ALDH1A2: variants seen among roughly 807,000 people sequenced by gnomAD.
ALDH1A2 encodes the protein retinal dehydrogenase 2.
In ALDH1A2, 27 loss-of-function variants were observed where a neutral mutation model predicts 60.3. The ratio of observed to expected loss-of-function variants is 0.45; its 90% CI spans 0.33 to 0.62. ALDH1A2 has a LOEUF of 0.62. Among genes scored for constraint, ALDH1A2 ranks in the 20% least tolerant of loss-of-function variants. ALDH1A2 has a pLI of 0.02. For synonymous variants in ALDH1A2, 289 were observed against 232.4 expected, an observed-to-expected ratio of 1.24 and a Z score of -2.21; for missense variants, 581 against 643.8, an observed-to-expected ratio of 0.90 and a Z score of 1.06.
chr15:58,036,245 A>T (rs1478883599), intron 1 of ALDH1A2, among the ~76,000 whole-genome samples: 1 of 151,652 alleles, frequency 6.6e-6, no homozygotes, highest in African/African-American at 2.4e-5. Flanking sequence ...TCAATATATA[A>T]TCAATACACT....
At chr15:58,027,870 A>G (rs1185391763) in intron 1 of ALDH1A2, among the ~76,000 whole-genome samples, 1 of 152,154 alleles carries the variant, frequency 6.6e-6, no homozygotes, top group Non-Finnish European at 1.5e-5. Flanking sequence ...AAAGAAAGAA[A>G]CAAAGCCTCC....
intron 1 of ALDH1A2, among the ~76,000 whole-genome samples, chr15:58,037,729 A>G (rs4646578): frequency 0.084 from 12,678 of 151,612 alleles, 542 homozygotes; most frequent in Middle Eastern, 0.14. Context: ...GAAGTGTGCA[A>G]TTCCTTGGGT....
intron 1 of ALDH1A2, among the ~76,000 whole-genome samples, chr15:58,039,251 GT>G (rs4646577): frequency 0.04 from 6,006 of 149,552 alleles, 364 homozygotes; most frequent in African/African-American, 0.13. Context: ...TCTCAGATTA[GT>G]TTTTTTTTTC....
chr15:58,003,323 C>T (rs1377457237), intron 4 of ALDH1A2, among the ~76,000 whole-genome samples: 5 of 151,838 alleles, frequency 3.3e-5, no homozygotes, highest in African/African-American at 9.7e-5. Context: ...TCTGATGGAA[C>T]AAGAATACTT....
intron 4 of ALDH1A2, among the ~76,000 whole-genome samples, chr15:58,010,022 A>G (rs1418084923): frequency 6.6e-6 from 1 of 152,124 alleles, no homozygotes; most frequent in Non-Finnish European, 1.5e-5. Context: ...GCACCCAATT[A>G]TAACACTCCT....
chr15:57,988,804 GACTC>G (rs758565187), intron 7 of ALDH1A2, among the ~76,000 whole-genome samples: 14 of 152,168 alleles, frequency 9.2e-5, no homozygotes, highest in Non-Finnish European at 8.8e-5. Flanking sequence ...TGGTTTTATG[GACTC>G]ACTATGTGGC....
chr15:58,009,644 T>C (rs1357001660), intron 4 of ALDH1A2, among the ~76,000 whole-genome samples: 31 of 151,314 alleles, frequency 2.0e-4, no homozygotes, highest in Non-Finnish European at 4.3e-4. Flanking sequence ...CCACTTACTA[T>C]CTCTTTCAGT....
At chr15:58,009,358 T>C (rs35056852) in intron 4 of ALDH1A2, among the ~76,000 whole-genome samples, 9,686 of 152,008 alleles carry the variant, frequency 0.064, 342 homozygotes, top group East Asian at 0.12. Flanking sequence ...CAGTGATTCA[T>C]GAGCACATTA....
rs76862248 is a variant in ALDH1A2 at position 58,059,296 on chromosome 15, T to C, written c.117+6238A>G. ...GGGGGGAAATGAATGGCTTTGAAAT[T>C]ACCTGTCACAGTCAATAAAGAAATT... On this transcript the variant is annotated intron_variant, in intron 1 of 12. Transcript: ENST00000249750. Among the ~76,000 whole-genome samples the C allele has an allele frequency of 3.5e-3, 533 of 152,312 alleles. 1 individual carries two copies. Among genetic ancestry groups the C allele is most frequent in the African/African-American group, 0.012 (511 of 41,572 alleles).
At chr15:58,034,623 T>C (rs1345071820) in intron 1 of ALDH1A2, among the ~76,000 whole-genome samples, 1 of 151,688 alleles carries the variant, frequency 6.6e-6, no homozygotes, top group Non-Finnish European at 1.5e-5. Flanking sequence ...TTCATCAGGT[T>C]GAGGAGATTC....
At chr15:57,963,741 C>T (rs35204199) in intron 9 of ALDH1A2, 144 bp downstream of exon 9, 1 of 807,100 alleles carries the variant, frequency 1.2e-6, no homozygotes, top group East Asian at 2.6e-5. Context: ...TCTCTGGCTC[C>T]ATTTCCAGCC....
intron 1 of ALDH1A2, among the ~76,000 whole-genome samples, chr15:58,032,005 G>A (rs1466053956): frequency 6.6e-6 from 1 of 152,156 alleles, no homozygotes; most frequent in Non-Finnish European, 1.5e-5. Flanking sequence ...CCATTACTGG[G>A]TATATACCCA....
In ALDH1A2 at chr15:57,995,073, C is replaced by G; in HGVS notation, c.555+5G>C. On this transcript the variant is annotated splice_donor_5th_base_variant and intron_variant, in intron 5 of 12. Coordinates refer to ENST00000249750, the MANE Select transcript of ALDH1A2 (RefSeq NM_003888.4). ...TAAATACGAGGTGCGAGGAAATACA[C>G]TCACTGGGATGATCTGTCCACACAC... 6.2e-7 allele frequency: 1 copy of G among 1,609,184 alleles called. No homozygotes were observed. Among genetic ancestry groups the G allele is most frequent in the Non-Finnish European group, 8.5e-7 (1 of 1,175,880 alleles).
intron 5 of ALDH1A2, among the ~76,000 whole-genome samples, chr15:57,994,393 G>A (rs1481521946): frequency 1.3e-5 from 2 of 152,120 alleles, no homozygotes; most frequent in African/African-American, 4.8e-5. Flanking sequence ...TGTCTATACT[G>A]TAAGAGTTTA....
chr15:57,995,179 T>G (rs777860277), intron 4 of ALDH1A2, 40 bp from the exon 5 acceptor site: 32 of 1,391,852 alleles, frequency 2.3e-5, no homozygotes, highest in Non-Finnish European at 2.8e-5. Context: ...AAAGTTTAGA[T>G]TAGGAAAAAA....
In ALDH1A2 at chr15:57,961,162, A is replaced by G; in HGVS notation, c.1384T>C (p.Ser462Pro). The G allele has an allele frequency of 6.2e-7, 1 of 1,614,126 alleles. No homozygotes were observed. Residue 462 changes from serine to proline, a missense_variant, in exon 11 of 13, where the codon TCT (serine) becomes CCT (proline). Transcript: ENST00000249750. The part of the protein sequence containing the change: ...NDINKALTVS[S>P]AMQAGTVWIN... ...CAAACAGTCCCAGCTTGCATTGCAG[A>G]AGACACTGTGAGGGCCTTGTTGATG...
Position 57,961,222 on chromosome 15 carries a change from C to T in ALDH1A2, c.1324G>A (p.Asp442Asn). The T allele has an allele frequency of 1.9e-6, 3 of 1,614,122 alleles. No individual in the cohort carries two copies. Among genetic ancestry groups the T allele is most frequent in the Non-Finnish European group, 2.5e-6 (3 of 1,180,014 alleles). The part of the protein sequence containing the change: ...DEVIERANNS[D>N]FGLVAAVFTN... ...AAGACAGCTGCTACGAGTCCAAAGT[C>T]TGAGTTATTGGCTCTTTCGATAACT... The change falls in exon 11 of 13, where the codon GAC becomes AAC. Residue 442 changes from aspartate (D) to asparagine (N), a missense_variant. This residue lies in a region of ALDH1A2 where 375 missense variants were observed against 469.7 expected (regional missense o/e 0.80). Transcript: ENST00000249750.
intron 12 of ALDH1A2, among the ~76,000 whole-genome samples, chr15:57,957,923 G>A (rs1165484936): frequency 2.0e-5 from 3 of 152,054 alleles, no homozygotes; most frequent in African/African-American, 4.8e-5. Flanking sequence ...GAGGGTGGGT[G>A]GGAGCGGGTC....
chr15:57,970,969 A>C (rs1894043650), intron 7 of ALDH1A2, among the ~76,000 whole-genome samples: 1 of 152,196 alleles, frequency 6.6e-6, no homozygotes, highest in African/African-American at 2.4e-5. Context: ...GGCCAAATTA[A>C]TCTGTCCAGA....
Sources: allele counts gnomAD v4.1 joint callset (sites outside exome capture counted in the v4.1 genomes callset), GRCh38; gene constraint gnomAD v4.1.1; regional missense constraint gnomAD v4.1.1; transcripts MANE v1.5; gene names NCBI Gene and HGNC (gene_info 2026-07-23, HGNC 2026-07-21).